UGT2A1: variants seen among roughly 807,000 people sequenced by gnomAD.
UGT2A1 encodes the protein UDP glucuronosyltransferase family 2 member A1 complex locus.
Under a neutral mutation model 45.4 loss-of-function variants are expected in UGT2A1, and 61 were observed. That is an observed-to-expected ratio of 1.34 (90% confidence interval 1.09 to 1.66). The LOEUF (loss-of-function observed/expected upper bound fraction) is 1.66, where lower values mean the gene tolerates loss of function less well. Ranked by LOEUF, UGT2A1 falls within the 40% of genes most tolerant of loss-of-function variation. The pLI, the probability that UGT2A1 is intolerant of heterozygous loss-of-function variation, is 0.00. For missense variants in UGT2A1, 649 were observed against 574.3 expected (o/e 1.13, Z -1.33); for synonymous variants, 229 against 196.2 (o/e 1.17, Z -1.40).
At chr4:69,611,197 G>A (rs1261201748) in intron 3 of UGT2A1, among the ~76,000 whole-genome samples, 1 of 151,458 alleles carries the variant, frequency 6.6e-6, no homozygotes, top group East Asian at 1.9e-4. Context: ...TCAAGCTGGA[G>A]TGCAGTGGCA....
chr4:69,594,598 C>A lies in UGT2A1; in HGVS notation c.1183G>T (p.Ala395Ser), dbSNP rs376828121. Residue 395 changes from alanine to serine, a missense_variant, in exon 6 of 7, where the codon GCT becomes TCT. Physicochemically the swap from Ala to Ser is moderately conservative, Grantham distance 99. Coordinates refer to ENST00000286604, the MANE Select transcript of UGT2A1 (RefSeq NM_001252275.3). ...GVPMVGVPMF[A>S]DQPDNIAHMK... ...TGAGCAATGTTATCAGGCTGATCAG[C>A]AAACATGGGAACTCCCACCATAGGG... The A allele has an allele frequency of 1.9e-6, 3 of 1,614,026 alleles. No homozygotes were observed. The highest frequency in any genetic ancestry group is 2.7e-5 in the African/African-American group (2 of 74,932).
chr4:69,607,186 A>ACTAGT (rs1296142502), intron 3 of UGT2A1, among the ~76,000 whole-genome samples: 2 of 135,398 alleles, frequency 1.5e-5, no homozygotes, highest in African/African-American at 2.9e-5. Flanking sequence ...AGGCTACAGT[A>ACTAGT]ACCAAAACAG....
At chr4:69,600,312 C>A (rs1034396245) in intron 3 of UGT2A1, among the ~76,000 whole-genome samples, 2 of 152,180 alleles carry the variant, frequency 1.3e-5, no homozygotes, top group Non-Finnish European at 2.9e-5. Flanking sequence ...TCCCAGACTC[C>A]AGCAGGGACA....
intron 3 of UGT2A1, among the ~76,000 whole-genome samples, chr4:69,635,092 A>G (rs1049061060): frequency 6.6e-6 from 1 of 152,158 alleles, no homozygotes; most frequent in African/African-American, 2.4e-5. Context: ...AATATATACT[A>G]CTATGTACCC....
chr4:69,635,488 GAACT>G (rs1286959971), intron 3 of UGT2A1, among the ~76,000 whole-genome samples, 199 bp downstream of exon 3: 1 of 152,140 alleles, frequency 6.6e-6, no homozygotes, highest in Non-Finnish European at 1.5e-5. Flanking sequence ...TCTACAGTGA[GAACT>G]ATCTATTTGC....
chr4:69,589,505 A>C lies in UGT2A1; in HGVS notation c.1451T>G (p.Phe484Cys), dbSNP rs1455697420. The C allele has an allele frequency of 6.2e-7, 1 of 1,614,030 alleles. No homozygotes were observed. The highest frequency in any genetic ancestry group is 8.5e-7 in the Non-Finnish European group (1 of 1,180,028). The change falls in exon 7 of 7, where the codon TTC (phenylalanine) becomes TGC (cysteine). Residue 484 changes from phenylalanine to cysteine, a missense_variant. Phe to Cys is a radical substitution (Grantham distance 205). Coordinates refer to ENST00000286604, the MANE Select transcript of UGT2A1 (RefSeq NM_001252275.3). The part of the protein sequence containing the change: ...LRVAAHDLTW[F>C]QYHSLDVIGF... ...AATTACATCCAAAGAGTGGTACTGG[A>C]ACCAGGTGAGGTCATGGGCTGCAAC...
chr4:69,627,880 TA>T (rs973918615), intron 3 of UGT2A1, among the ~76,000 whole-genome samples: 4 of 151,982 alleles, frequency 2.6e-5, no homozygotes, highest in African/African-American at 4.8e-5. Flanking sequence ...AGAATGGAGA[TA>T]AAAAATACTA....
At chr4:69,644,532 T>C (rs1722171270) in intron 2 of UGT2A1, among the ~76,000 whole-genome samples, 1 of 151,678 alleles carries the variant, frequency 6.6e-6, no homozygotes, top group Admixed American at 6.6e-5. Flanking sequence ...GACAGTTTCA[T>C]TGCTTCACAA....
chr4:69,600,664 G>A (rs564070143), intron 3 of UGT2A1, among the ~76,000 whole-genome samples: 2 of 152,164 alleles, frequency 1.3e-5, no homozygotes, highest in South Asian at 2.1e-4. Context: ...TGGTCCCATA[G>A]GCTGTACAGG....
intron 2 of UGT2A1, among the ~76,000 whole-genome samples, chr4:69,638,165 T>C (rs958671256): frequency 6.6e-6 from 1 of 152,150 alleles, no homozygotes; most frequent in Non-Finnish European, 1.5e-5. Flanking sequence ...TGTTAATTCC[T>C]GCTATTGATT....
At chr4:69,638,831 T>C in intron 2 of UGT2A1, 1 of 1,453,200 alleles carries the variant, frequency 6.9e-7, no homozygotes, top group Non-Finnish European at 9.1e-7. Flanking sequence ...ATGGAAATCG[T>C]TTGCCATATG....
At chr4:69,652,040 A>G (rs1428512573) in intron 1 of UGT2A1, among the ~76,000 whole-genome samples, 1 of 152,138 alleles carries the variant, frequency 6.6e-6, no homozygotes, top group Admixed American at 6.5e-5. Context: ...CCTTTAAAAT[A>G]AACTTCCGCT....
intron 6 of UGT2A1, among the ~76,000 whole-genome samples, chr4:69,592,476 G>T (rs888312736): frequency 1.3e-5 from 2 of 152,114 alleles, no homozygotes; most frequent in African/African-American, 2.4e-5. Context: ...GGAGGGTAAT[G>T]AATATGATAT....
intron 3 of UGT2A1, among the ~76,000 whole-genome samples, chr4:69,607,196 G>T (rs1383350373): frequency 6.6e-6 from 1 of 150,390 alleles, no homozygotes; most frequent in African/African-American, 2.5e-5. Flanking sequence ...AACCAAAACA[G>T]CATGGTACTG....
intron 3 of UGT2A1, among the ~76,000 whole-genome samples, chr4:69,610,913 C>T (rs952426436): frequency 6.6e-6 from 1 of 152,114 alleles, no homozygotes; most frequent in East Asian, 1.9e-4. Flanking sequence ...ATTAGCTAAT[C>T]TTTTTCATAC....
rs145210096 is a variant in UGT2A1 at position 69,590,793 on chromosome 4, A to G, written c.1305-1142T>C. Among the ~76,000 whole-genome samples, 14 of 152,346 alleles carry G rather than the reference A, an allele frequency of 9.2e-5. No homozygotes were observed. The East Asian group carries it at 2.7e-3, about 29-fold the overall frequency. On this transcript the variant is annotated intron_variant, in intron 6 of 6. Coordinates refer to ENST00000286604, the MANE Select transcript of UGT2A1 (RefSeq NM_001252275.3). ...TAAGAAGAAGAAAGCATGTTTTCCTATAAATGATGTGGGACAAAGACCATG... is the reference window on the plus strand; with the variant it reads ...TAAGAAGAAGAAAGCATGTTTTCCTGTAAATGATGTGGGACAAAGACCATG...
At chr4:69,603,677 T>A (rs1719430443) in intron 3 of UGT2A1, 1 of 135,074 alleles carries the variant, frequency 7.4e-6, no homozygotes, top group Non-Finnish European at 1.6e-5. Flanking sequence ...GAAAAAAAAT[T>A]AGACGAATGG....
chr4:69,611,577 G>C (rs192399776), intron 3 of UGT2A1, among the ~76,000 whole-genome samples: 317 of 152,062 alleles, frequency 2.1e-3, no homozygotes, highest in Non-Finnish European at 3.7e-3. Flanking sequence ...TGTTAGCATA[G>C]AAATACTTCT....
At chr4:69,601,475 C>CAAAAG (rs1376258191) in intron 3 of UGT2A1, among the ~76,000 whole-genome samples, 28 of 152,298 alleles carry the variant, frequency 1.8e-4, no homozygotes, top group African/African-American at 6.7e-4. Flanking sequence ...AGTGCCACCT[C>CAAAAG]TTGGCTAGAG....
Sources: allele counts gnomAD v4.1 joint callset (sites outside exome capture counted in the v4.1 genomes callset), GRCh38; gene constraint gnomAD v4.1.1; transcripts MANE v1.5; gene names NCBI Gene and HGNC (gene_info 2026-07-23, HGNC 2026-07-21).